The following NSF variants were observed in gnomAD, a reference collection of about 807,000 sequenced individuals.
The protein encoded by NSF is vesicle-fusing ATPase.
In NSF, 14 loss-of-function variants were observed where a neutral mutation model predicts 50.3. The ratio of observed to expected loss-of-function variants is 0.28; its 90% CI spans 0.18 to 0.44. The LOEUF is 0.44. NSF is among the 20% of genes least tolerant of loss of function. The pLI is 1.00. For synonymous variants in NSF, 109 were observed against 175.7 expected (o/e 0.62, Z 3.00); for missense variants, 218 against 504.3 (o/e 0.43, Z 5.44).
chr17:46,728,643 G>A (rs1033907161), intron 16 of NSF, among the ~76,000 whole-genome samples: 1 of 151,466 alleles, frequency 6.6e-6, no homozygotes, highest in African/African-American at 2.4e-5. Flanking sequence ...AAGCATTTAG[G>A]TTATTAGAGA....
chr17:46,733,114 T>C (rs1466506665), intron 17 of NSF, among the ~76,000 whole-genome samples: 3 of 152,188 alleles, frequency 2.0e-5, no homozygotes, highest in Non-Finnish European at 1.5e-5. Flanking sequence ...AAGACACCCC[T>C]CCTTCCAGTG....
At chr17:46,718,278 C>T (rs1024847749) in intron 15 of NSF, among the ~76,000 whole-genome samples, 23 of 152,234 alleles carry the variant, frequency 1.5e-4, no homozygotes, top group African/African-American at 5.3e-4. Flanking sequence ...CCCTCGAGGG[C>T]ACCCTGCCAT....
chr17:46,718,624 G>A (rs1301341835), intron 15 of NSF, among the ~76,000 whole-genome samples: 1 of 152,170 alleles, frequency 6.6e-6, no homozygotes, highest in East Asian at 1.9e-4. Flanking sequence ...CACTAGAGTA[G>A]TATAACATGA....
intron 17 of NSF, among the ~76,000 whole-genome samples, chr17:46,743,189 C>A (rs1003861445): frequency 6.6e-6 from 1 of 152,052 alleles, no homozygotes; most frequent in East Asian, 1.9e-4. Context: ...TAACCCAGAG[C>A]CAACCTTGGC....
rs1370364947 is a variant in NSF at position 46,757,013 on chromosome 17, A to T, written c.*1190A>T. On this transcript the variant is annotated 3_prime_UTR_variant, in exon 21 of 21. Transcript: ENST00000398238. The stretch of plus-strand genomic sequence containing the variant: ...TGCCTCTCTCTCCCAACTGCTGCTT[A>T]AAATGCAAGGACAAGCAATTAGAAG... 6.6e-6 allele frequency: 1 copy of T among 152,072 alleles called. No individual in the cohort carries two copies. Among genetic ancestry groups the T allele is most frequent in the Non-Finnish European group, 1.5e-5 (1 of 68,012 alleles). The allele number at this position is 152,072 out of a possible 1,614,324, so 9.4% of individuals were successfully genotyped here. A position where few individuals can be genotyped will look rare whatever the true frequency, so the allele number is the denominator to read the frequency against.
intron 17 of NSF, among the ~76,000 whole-genome samples, chr17:46,739,087 A>G (rs2059038804): frequency 6.6e-6 from 1 of 151,066 alleles, no homozygotes; most frequent in Non-Finnish European, 1.5e-5. Context: ...AATACAAAAA[A>G]GTCCAGGCAC....
At chr17:46,595,306 G>T (rs2057859546) in intron 1 of NSF, among the ~76,000 whole-genome samples, 1 of 54,148 alleles carries the variant, frequency 1.8e-5, no homozygotes. Flanking sequence ...ACTACTGAGT[G>T]ATTTTTAGCA....
chr17:46,753,474 T>C (rs1010266744), intron 19 of NSF, among the ~76,000 whole-genome samples: 2 of 152,236 alleles, frequency 1.3e-5, no homozygotes, highest in African/African-American at 4.8e-5. Flanking sequence ...GAGCCATAAA[T>C]TAAAGTCACA....
chr17:46,713,285 G>C (rs2058736609), intron 14 of NSF: 1 of 152,458 alleles, frequency 6.6e-6, no homozygotes, highest in Non-Finnish European at 1.5e-5. Flanking sequence ...TGGAAAGGAA[G>C]ATTTGATTGG....
rs1164968734 is a variant in NSF at position 46,676,272 on chromosome 17, G to T, written c.945+1659G>T. 4.0e-4 allele frequency among the ~76,000 whole-genome samples: 50 copies of T among 125,626 alleles called. 1 individual carries two copies. The highest frequency in any genetic ancestry group is 3.7e-3 in the Admixed American group (43 of 11,686). 82.4% of individuals were successfully genotyped at this position (125,626 alleles called of 152,430 possible). A position where few individuals can be genotyped will look rare whatever the true frequency, so the allele number is the denominator to read the frequency against. On this transcript the variant is annotated intron_variant, in intron 9 of 20. Coordinates refer to ENST00000398238, the MANE Select transcript of NSF (RefSeq NM_006178.4). ...TTTGAGATGGAGTTTTGCTCTTGTT[G>T]CCCAGGCTGGAGTGCAATGGCGTGA...
intron 15 of NSF, 33 bp from the exon 16 acceptor site, chr17:46,726,516 A>G (rs1356244715): frequency 2.5e-6 from 4 of 1,595,224 alleles, no homozygotes; most frequent in Non-Finnish European, 3.4e-6. Flanking sequence ...TGTGGAGGAC[A>G]GTGAGATAAT....
chr17:46,601,892 A>G (rs1176019264), intron 1 of NSF, among the ~76,000 whole-genome samples: 1 of 149,780 alleles, frequency 6.7e-6, no homozygotes, highest in Admixed American at 6.6e-5. Context: ...AAAAAAAAAA[A>G]AGACACTTTG....
chr17:46,625,940 A>G (rs1259021382), intron 2 of NSF, among the ~76,000 whole-genome samples: 6 of 143,740 alleles, frequency 4.2e-5, no homozygotes, highest in African/African-American at 1.1e-4. Flanking sequence ...TGAAGCTTCT[A>G]TCTTACACAT....
chr17:46,737,680 A>G (rs1287366635), intron 17 of NSF, among the ~76,000 whole-genome samples: 8 of 152,148 alleles, frequency 5.3e-5, no homozygotes, highest in East Asian at 3.9e-4. Flanking sequence ...AACATGATGC[A>G]TAGAGTTAGG....
At chr17:46,649,757 TAGTA>T (rs1373128079) in intron 8 of NSF, among the ~76,000 whole-genome samples, 122 of 127,868 alleles carry the variant, frequency 9.5e-4, no homozygotes, top group African/African-American at 3.9e-3. Flanking sequence ...GACACACAGC[TAGTA>T]AGTAGTAGAG....
At chr17:46,694,963 A>G (rs1797510249) in intron 12 of NSF, among the ~76,000 whole-genome samples, 1 of 118,260 alleles carries the variant, frequency 8.5e-6, no homozygotes, top group Non-Finnish European at 1.7e-5. Flanking sequence ...AAGTTGTAAT[A>G]TGGCCAGGCA....
rs1189165884 is a variant in NSF at position 46,756,483 on chromosome 17, TTAAGTA to T, written c.*664_*669del. 6 of 152,276 alleles carry T rather than the reference TTAAGTA, an allele frequency of 3.9e-5. No homozygotes were observed. Among genetic ancestry groups the T allele is most frequent in the African/African-American group, 1.4e-4 (6 of 41,474 alleles). 9.4% of individuals were successfully genotyped at this position (152,276 alleles called of 1,614,324 possible). A position where few individuals can be genotyped will look rare whatever the true frequency, so the allele number is the denominator to read the frequency against. ...CTACCGTGTTGGTTGTGACTTCCCCTTAAGTATAACTAATTTGCTCTGTGGTAAGAG... is the reference window on the plus strand; with the variant it reads ...CTACCGTGTTGGTTGTGACTTCCCCTTAACTAATTTGCTCTGTGGTAAGAG... On this transcript the variant is annotated 3_prime_UTR_variant, in exon 21 of 21. Transcript: ENST00000398238.
chr17:46,738,421 G>A (rs927251446), intron 17 of NSF, among the ~76,000 whole-genome samples: 4 of 152,054 alleles, frequency 2.6e-5, no homozygotes, highest in African/African-American at 9.7e-5. Flanking sequence ...TTATACTTTA[G>A]CCTTTTTTAA....
intron 17 of NSF, among the ~76,000 whole-genome samples, chr17:46,744,947 T>C (rs1289888349): frequency 2.6e-5 from 4 of 152,058 alleles, no homozygotes; most frequent in Non-Finnish European, 5.9e-5. Context: ...GTCATTTTAC[T>C]TAGGCTTTTT....
Sources: gnomAD v4.1 joint callset for allele counts (sites outside exome capture counted in the v4.1 genomes callset) on GRCh38, gnomAD v4.1.1 for gene constraint, MANE v1.5 for transcripts, NCBI Gene and HGNC (gene_info 2026-07-23, HGNC 2026-07-21) for gene names.